Variants in DMD observed in about 807,000 individuals in gnomAD.
DMD encodes the protein dystrophin.
Under a neutral mutation model 330.1 loss-of-function variants are expected in DMD, and 63 were observed. The observed-to-expected ratio is 0.19, with a 90% CI of 0.16 to 0.24. DMD has a LOEUF of 0.24. Among genes scored for constraint, DMD ranks in the 10% least tolerant of loss-of-function variants. The probability of loss-of-function intolerance (pLI) is 1.00; values close to 1 mark genes in which losing one functional copy is unlikely to be tolerated. For missense variants in DMD, 3,344 were observed against 2,684.1 expected, an observed-to-expected ratio of 1.25 and a Z score of -5.43; for synonymous variants, 1,223 against 959.8, an observed-to-expected ratio of 1.27 and a Z score of -5.07.
chrX:32,464,109 A>C (rs2098392968), intron 24 of DMD, among the ~76,000 whole-genome samples: 1 of 112,097 alleles, frequency 8.9e-6, no homozygotes, highest in Non-Finnish European at 1.9e-5. Context: ...GTTATATTAT[A>C]GTACAGTGCA....
rs1363394768 is a variant in DMD at position 32,026,575 on chromosome X, CAA to C, written c.6439-58063_6439-58062del. Among the ~76,000 whole-genome samples, 10 of 112,617 alleles carry C rather than the reference CAA, an allele frequency of 8.9e-5. 1 individual carries two copies. Among genetic ancestry groups the C allele is most frequent in the Non-Finnish European group, 1.1e-4 (6 of 53,301 alleles). ...CCTGAGATTTAATATGCTGCCAAAA[CAA>C]AATATTATTCATAAAACACTTTTCA... On this transcript the variant is annotated intron_variant, in intron 44 of 78. Coordinates refer to ENST00000357033, the MANE Select transcript of DMD (RefSeq NM_004006.3).
At chrX:32,669,814 GC>G (rs2061524217) in intron 9 of DMD, among the ~76,000 whole-genome samples, 1 of 110,803 alleles carries the variant, frequency 9.0e-6, no homozygotes. Context: ...ACCTGCCAAT[GC>G]CCTTCTCTTG....
At chrX:33,299,369 T>A (rs1481084253) in intron 1 of DMD, among the ~76,000 whole-genome samples, 3 of 111,627 alleles carry the variant, frequency 2.7e-5, no homozygotes, top group African/African-American at 6.5e-5. Flanking sequence ...CTACCTTAAA[T>A]AGGTGGTTAT....
Position 32,614,312 on chromosome X carries a change from T to C in DMD, c.1473A>G (p.Gln491=), listed in dbSNP as rs144303432. 4.1e-6 allele frequency: 5 copies of C among 1,206,212 alleles called. No individual in the cohort carries two copies. The African/African-American group carries it at 7.1e-5, about 17-fold the overall frequency. The change falls in exon 12 of 79, where the codon CAA becomes CAG. Residue 491 remains glutamine (Q), a synonymous_variant. Transcript: ENST00000357033. The part of the protein sequence containing the change: ...PDLEDLKRQV[Q]QHKVLQEDLE... ...CATAAGATACACCTACCTTATGTTG[T>C]TGTACTTGGCGTTTTAGGTCTTCAA...
chrX:31,128,281 C>G (rs1245170889), intron 77 of DMD, among the ~76,000 whole-genome samples: 1 of 112,035 alleles, frequency 8.9e-6, no homozygotes, highest in Admixed American at 9.5e-5. Context: ...ATCCACCTCT[C>G]TATGCCCAAT....
intron 43 of DMD, among the ~76,000 whole-genome samples, chrX:32,222,779 T>A (rs1236936758): frequency 4.5e-5 from 5 of 111,940 alleles, no homozygotes; most frequent in Non-Finnish European, 9.4e-5. Context: ...TCTTGAGAAA[T>A]TACCTTCTTT....
intron 43 of DMD, among the ~76,000 whole-genome samples, chrX:32,256,056 G>A (rs753443917): frequency 1.8e-5 from 2 of 111,125 alleles, no homozygotes; most frequent in East Asian, 2.8e-4. Flanking sequence ...TTTCTGTCTC[G>A]TTAATCTAAT....
intron 2 of DMD, among the ~76,000 whole-genome samples, chrX:32,857,671 C>T (rs1339512196): frequency 9.0e-6 from 1 of 111,605 alleles, no homozygotes; most frequent in East Asian, 2.8e-4. Context: ...GAAGTATGTG[C>T]GTGATAAACT....
At chrX:32,016,290 C>T (rs1405788478) in intron 44 of DMD, among the ~76,000 whole-genome samples, 1 of 111,607 alleles carries the variant, frequency 9.0e-6, no homozygotes, top group Admixed American at 9.5e-5. Context: ...CTCCTGCTTC[C>T]GGGTCACCCT....
intron 60 of DMD, among the ~76,000 whole-genome samples, chrX:31,430,477 C>T (rs1401843230): frequency 9.0e-6 from 1 of 111,405 alleles, no homozygotes; most frequent in African/African-American, 3.3e-5. Flanking sequence ...ATCTAACTCA[C>T]CCAGTGGCAA....
At chrX:32,881,674 C>T (rs2083956310) in intron 2 of DMD, among the ~76,000 whole-genome samples, 1 of 112,106 alleles carries the variant, frequency 8.9e-6, no homozygotes, top group Non-Finnish European at 1.9e-5. Context: ...GTTTTTGTTG[C>T]CTTAAGTATT....
chrX:31,301,297 G>T (rs1218945405), intron 62 of DMD, among the ~76,000 whole-genome samples: 1 of 111,629 alleles, frequency 9.0e-6, no homozygotes. Flanking sequence ...CAGAGGAAAA[G>T]ACATCACATT....
chrX:31,166,632 G>T (rs1196044544), intron 74 of DMD, among the ~76,000 whole-genome samples: 3 of 111,332 alleles, frequency 2.7e-5, no homozygotes, highest in African/African-American at 9.8e-5. Flanking sequence ...CAAATTAAAG[G>T]CTCCTTAAGC....
At chrX:32,131,510 A>C (rs1321751656) in intron 44 of DMD, among the ~76,000 whole-genome samples, 4 of 112,175 alleles carry the variant, frequency 3.6e-5, no homozygotes, top group Non-Finnish European at 7.5e-5. Flanking sequence ...CTAGCCAAAT[A>C]AAATGAATTT....
At chrX:32,336,019 GTATA>G (rs1250424838) in intron 41 of DMD, among the ~76,000 whole-genome samples, 1 of 97,646 alleles carries the variant, frequency 1.0e-5, no homozygotes, top group Non-Finnish European at 2.1e-5. Flanking sequence ...TATATAACGT[GTATA>G]TATAACGTTA....
intron 52 of DMD, among the ~76,000 whole-genome samples, chrX:31,689,601 C>T (rs2082961595): frequency 1.8e-5 from 2 of 111,308 alleles, no homozygotes; most frequent in Admixed American, 1.9e-4. Context: ...ACTTTCTTCA[C>T]AGAATTGGAA....
chrX:31,296,427 T>A (rs977434591), intron 62 of DMD, among the ~76,000 whole-genome samples: 6 of 111,817 alleles, frequency 5.4e-5, no homozygotes, highest in African/African-American at 2.0e-4. Context: ...TTTAATCCAA[T>A]GGATGATGGT....
chrX:32,866,476 C>A (rs2082486916), intron 2 of DMD, among the ~76,000 whole-genome samples: 1 of 110,123 alleles, frequency 9.1e-6, no homozygotes, highest in African/African-American at 3.3e-5. Context: ...TTTAAAAGAG[C>A]CCTAGGAGTT....
chrX:31,756,996 T>C (rs1391173789), intron 51 of DMD, among the ~76,000 whole-genome samples: 1 of 110,624 alleles, frequency 9.0e-6, no homozygotes, highest in Non-Finnish European at 1.9e-5. Context: ...TTGCTTTTTT[T>C]TTTTACCTTA....
Sources: allele counts gnomAD v4.1 joint callset (sites outside exome capture counted in the v4.1 genomes callset), GRCh38; gene constraint gnomAD v4.1.1; transcripts MANE v1.5; gene names NCBI Gene and HGNC (gene_info 2026-07-23, HGNC 2026-07-21).